The following OBI1 variants were observed in gnomAD, a reference collection of about 807,000 sequenced individuals.
OBI1 encodes the protein ring finger protein 219.
OBI1 carries 59 observed loss-of-function variants against 62.4 expected under a neutral mutation model. That is an observed-to-expected ratio of 0.95 (90% CI 0.77 to 1.17). OBI1 has a LOEUF of 1.17. Among genes scored for constraint, OBI1 ranks in the 50% most tolerant of loss-of-function variants. The pLI is 0.00. For missense variants in OBI1, 875 were observed against 830.9 expected (o/e 1.05, Z -0.65); for synonymous variants, 302 against 292.8 (o/e 1.03, Z -0.32).
At chr13:78,634,964 A>C (rs1447986054) in intron 5 of OBI1, 146 bp downstream of exon 5, 4 of 501,866 alleles carry the variant, frequency 8.0e-6, no homozygotes, top group African/African-American at 6.1e-5. Flanking sequence ...AACAACACGA[A>C]GTATAAACTT....
chr13:78,617,218 C>T (rs2137424776), intron 5 of OBI1, 96 bp from the exon 6 acceptor site: 2 of 938,286 alleles, frequency 2.1e-6, no homozygotes, highest in African/African-American at 1.7e-5. Flanking sequence ...CTAATTTCAC[C>T]TAACAGTGAC....
At chr13:78,640,121 A>T (rs1011527067) in intron 3 of OBI1, among the ~76,000 whole-genome samples, 1 of 152,188 alleles carries the variant, frequency 6.6e-6, no homozygotes, top group Non-Finnish European at 1.5e-5. Flanking sequence ...GAACAAAAAA[A>T]CAAAAAACTT....
chr13:78,646,788 T>C (rs541269761), intron 1 of OBI1, among the ~76,000 whole-genome samples: 1 of 152,172 alleles, frequency 6.6e-6, no homozygotes, highest in Non-Finnish European at 1.5e-5. Context: ...AATAGATGCA[T>C]AGCTATTCAT....
chr13:78,640,856 T>C (rs777594551), intron 3 of OBI1, among the ~76,000 whole-genome samples: 37 of 152,168 alleles, frequency 2.4e-4, no homozygotes, highest in South Asian at 8.3e-4. Flanking sequence ...ACTTCTATAT[T>C]TGAAGTATGA....
chr13:78,626,963 G>A (rs993059811), intron 5 of OBI1, among the ~76,000 whole-genome samples: 26 of 152,150 alleles, frequency 1.7e-4, no homozygotes, highest in Admixed American at 4.6e-4. Flanking sequence ...CTACTCAGGA[G>A]GCTGAGGCAG....
chr13:78,640,051 T>C (rs763238046), intron 3 of OBI1, among the ~76,000 whole-genome samples: 27 of 151,226 alleles, frequency 1.8e-4, no homozygotes, highest in Non-Finnish European at 3.5e-4. Context: ...AAAGATATCA[T>C]CCAGAAAATA....
chr13:78,616,159 G>A lies in OBI1; in HGVS notation c.1602C>T (p.Tyr534=). The change falls in exon 6 of 6, where the codon TAC becomes TAT. Residue 534 remains tyrosine, a synonymous_variant. Transcript: ENST00000282003. ...TSSEASMDAA[Y]LDKISELDSM... ...AATCCAACTCAGAGATTTTGTCAAG[G>A]TAAGCAGCATCCATCGATGCTTCAC... 1.2e-6 allele frequency: 2 copies of A among 1,614,122 alleles called. No homozygotes were observed. Among genetic ancestry groups the A allele is most frequent in the East Asian group, 2.2e-5 (1 of 44,880 alleles).
intron 4 of OBI1, among the ~76,000 whole-genome samples, chr13:78,637,954 G>T (rs1876078967): frequency 6.6e-6 from 1 of 152,110 alleles, no homozygotes; most frequent in African/African-American, 2.4e-5. Context: ...ATACCATATG[G>T]AGCTCATTAA....
chr13:78,626,852 G>A (rs886334110), intron 5 of OBI1, among the ~76,000 whole-genome samples: 8 of 152,172 alleles, frequency 5.3e-5, no homozygotes, highest in African/African-American at 1.9e-4. Context: ...GGATCATGAG[G>A]TCAGGAGATC....
At chr13:78,650,896 A>AC (rs1315431405) in intron 1 of OBI1, among the ~76,000 whole-genome samples, 1 of 152,080 alleles carries the variant, frequency 6.6e-6, no homozygotes, top group Non-Finnish European at 1.5e-5. Context: ...TGAGATCACT[A>AC]CTTCTCCACT....
In OBI1 at chr13:78,644,966, T is replaced by C. The variant is rs761460793; in HGVS notation, c.104A>G (p.His35Arg). The change falls in exon 2 of 6, where the codon CAT (histidine) becomes CGT (arginine). Residue 35 changes from histidine to arginine, a missense_variant. Transcript: ENST00000282003. ...ATCAATACAAATCGAACAAAATACA[T>C]GGTTGTTGATGCATATGACAGGCTG... Reference protein sequence around the residue: ...VRQPVICINNHVFCSICIDLW... With the variant: ...VRQPVICINNRVFCSICIDLW... 1.2e-6 allele frequency: 2 copies of C among 1,613,640 alleles called. No homozygotes were observed. The highest frequency in any genetic ancestry group is 1.7e-5 in the Admixed American group (1 of 59,960).
chr13:78,625,041 A>G (rs899267677), intron 5 of OBI1, among the ~76,000 whole-genome samples: 6 of 152,182 alleles, frequency 3.9e-5, no homozygotes, highest in African/African-American at 1.4e-4. Context: ...TGACAAATAT[A>G]TCTCATTTTG....
rs1033880366 is a variant in OBI1 at position 78,615,426 on chromosome 13, T to C, written c.*154A>G. The stretch of plus-strand genomic sequence containing the variant: ...GTCTTTTCAAAATGAACAATAAGTA[T>C]TCTGGGTACAGGTTAATCCACCATC... On this transcript the variant is annotated 3_prime_UTR_variant, in exon 6 of 6. Coordinates refer to ENST00000282003, the MANE Select transcript of OBI1 (RefSeq NM_024546.4). 1 of 496,382 alleles carries C rather than the reference T, an allele frequency of 2.0e-6. No individual in the cohort carries two copies. Among genetic ancestry groups the C allele is most frequent in the African/African-American group, 2.0e-5 (1 of 51,118 alleles). The allele number at this position is 496,382 out of a possible 1,614,324, so 30.7% of individuals were successfully genotyped here. A position where few individuals can be genotyped will look rare whatever the true frequency, so the allele number is the denominator to read the frequency against.
Position 78,642,220 on chromosome 13 carries a change from G to C in OBI1, c.209-7C>G, listed in dbSNP as rs1566283926. The C allele has an allele frequency of 6.6e-7, 1 of 1,513,800 alleles. No homozygotes were observed. Among genetic ancestry groups the C allele is most frequent in the East Asian group, 2.3e-5 (1 of 44,204 alleles). 93.8% of individuals were successfully genotyped at this position (1,513,800 alleles called of 1,614,324 possible). A position where few individuals can be genotyped will look rare whatever the true frequency, so the allele number is the denominator to read the frequency against. On this transcript the variant is annotated splice_region_variant and splice_polypyrimidine_tract_variant and intron_variant, in intron 2 of 5. Transcript: ENST00000282003. ...TCACTTTCACTTGTTCCTCCTGTAGGGAAAAAAAAAAAAATCCTAATTTTT... is the reference window on the plus strand; with the variant it reads ...TCACTTTCACTTGTTCCTCCTGTAGCGAAAAAAAAAAAAATCCTAATTTTT...
In OBI1 at chr13:78,642,743, C is replaced by T. The variant is rs188015552; in HGVS notation, c.209-530G>A. 6.4e-3 allele frequency among the ~76,000 whole-genome samples: 978 copies of T among 152,160 alleles called. 9 individuals carry two copies. The highest frequency in any genetic ancestry group is 0.01 in the Admixed American group (155 of 15,282). ...AAAAATGCAAACAAACAAAATTAGC[C>T]GGGCGTGGTGGCTGGCGCCTGTAGT... is the stretch of plus-strand genomic sequence containing the variant. On this transcript the variant is annotated intron_variant, in intron 2 of 5. Coordinates refer to ENST00000282003, the MANE Select transcript of OBI1 (RefSeq NM_024546.4).
At chr13:78,639,196 C>A (rs1053256769) in intron 3 of OBI1, 125 bp from the exon 4 acceptor site, 8 of 942,842 alleles carry the variant, frequency 8.5e-6, no homozygotes, top group Non-Finnish European at 1.2e-5. Flanking sequence ...AGATTCTTTA[C>A]ATATCAAAAG....
intron 4 of OBI1, among the ~76,000 whole-genome samples, chr13:78,638,441 C>A (rs373919567): frequency 1.3e-5 from 2 of 152,008 alleles, no homozygotes; most frequent in Non-Finnish European, 2.9e-5. Flanking sequence ...TTCATTGGTG[C>A]GAAAATGGTT....
chr13:78,636,148 T>C (rs536975391), intron 4 of OBI1, among the ~76,000 whole-genome samples: 17 of 152,292 alleles, frequency 1.1e-4, no homozygotes, highest in Middle Eastern at 3.4e-3. Context: ...TCTTGAATTG[T>C]ATAACACCTA....
intron 2 of OBI1, among the ~76,000 whole-genome samples, chr13:78,642,895 A>G (rs1383263823): frequency 6.6e-6 from 1 of 152,216 alleles, no homozygotes; most frequent in Non-Finnish European, 1.5e-5. Context: ...TCAAAAAAAA[A>G]AAAAGTATTA....
Sources: allele counts gnomAD v4.1 joint callset (sites outside exome capture counted in the v4.1 genomes callset), GRCh38; gene constraint gnomAD v4.1.1; transcripts MANE v1.5; gene names NCBI Gene and HGNC (gene_info 2026-07-23, HGNC 2026-07-21).